The following STOX1 variants were observed in gnomAD, a reference collection of about 807,000 sequenced individuals.
STOX1 encodes storkhead-box protein 1.
In STOX1, 57 loss-of-function variants were observed where a neutral mutation model predicts 74.8. The ratio of observed to expected loss-of-function variants is 0.76; its 90% CI spans 0.62 to 0.95. STOX1 has a LOEUF of 0.95. STOX1 is among the 40% of genes least tolerant of loss of function. STOX1 has a pLI of 0.00. For synonymous variants in STOX1, 375 were observed against 401.3 expected, an observed-to-expected ratio of 0.93 and a Z score of 0.78; for missense variants, 1,010 against 1,117.0, an observed-to-expected ratio of 0.90 and a Z score of 1.37.
At chr10:68,863,756 C>T (rs2133565040) in intron 1 of STOX1, among the ~76,000 whole-genome samples, 1 of 152,126 alleles carries the variant, frequency 6.6e-6, no homozygotes, top group Middle Eastern at 3.4e-3. Context: ...TGAGCATTTT[C>T]AACTGTGTAG....
At chr10:68,891,830 T>G (rs1564591747) in intron 3 of STOX1, among the ~76,000 whole-genome samples, 3 of 151,580 alleles carry the variant, frequency 2.0e-5, no homozygotes, top group Admixed American at 2.0e-4. Context: ...AATACTTTTT[T>G]TGTGTGTGTG....
intron 1 of STOX1, among the ~76,000 whole-genome samples, chr10:68,864,680 A>T (rs1363160589): frequency 6.6e-6 from 1 of 152,192 alleles, no homozygotes; most frequent in Non-Finnish European, 1.5e-5. Flanking sequence ...GGTGAATGAT[A>T]AGTTGGAAAA....
intron 3 of STOX1, among the ~76,000 whole-genome samples, chr10:68,891,508 G>T (rs1021594436): frequency 1.3e-5 from 2 of 151,994 alleles, no homozygotes; most frequent in Non-Finnish European, 2.9e-5. Flanking sequence ...AGGGAATGTC[G>T]AAAAGCAAAA....
In STOX1 at chr10:68,885,926, T is replaced by C. The variant is rs988232622; in HGVS notation, c.2130T>C (p.Asn710=). 3.1e-6 allele frequency: 5 copies of C among 1,613,976 alleles called. No homozygotes were observed. Among genetic ancestry groups the C allele is most frequent in the Non-Finnish European group, 4.2e-6 (5 of 1,180,032 alleles). ...ATGCAGAGACTACAAGCCTAGAAAA[T>C]GAACAGCTTTCTAACGATGACCAGG... is the stretch of plus-strand genomic sequence containing the variant. ...VQDAETTSLE[N]EQLSNDDQAL... is the part of the protein sequence containing the mutation. The change falls in exon 3 of 4, where the codon AAT becomes AAC. Residue 710 remains asparagine, a synonymous_variant. Transcript: ENST00000298596.
intron 1 of STOX1, among the ~76,000 whole-genome samples, chr10:68,862,646 C>T (rs1840289515): frequency 6.6e-6 from 1 of 151,986 alleles, no homozygotes; most frequent in Admixed American, 6.5e-5. Context: ...GCCATGTTTC[C>T]AGATAATAGG....
chr10:68,879,296 C>G (rs986920762), intron 1 of STOX1, among the ~76,000 whole-genome samples: 1 of 151,936 alleles, frequency 6.6e-6, no homozygotes, highest in African/African-American at 2.4e-5. Context: ...TTTTTCCCTC[C>G]TCTCATTTCT....
At chr10:68,849,179 CA>C (rs1490215496) in intron 1 of STOX1, among the ~76,000 whole-genome samples, 14 of 152,178 alleles carry the variant, frequency 9.2e-5, no homozygotes, top group African/African-American at 3.4e-4. Flanking sequence ...TCTTGTAGCT[CA>C]GGCTTTGCTT....
intron 1 of STOX1, among the ~76,000 whole-genome samples, chr10:68,848,450 A>C (rs980941818): frequency 6.6e-6 from 1 of 152,146 alleles, no homozygotes; most frequent in African/African-American, 2.4e-5. Flanking sequence ...GCCACTGGTC[A>C]GGTTAGATAT....
At chr10:68,834,234 T>C (rs977261129) in intron 1 of STOX1, among the ~76,000 whole-genome samples, 11 of 151,912 alleles carry the variant, frequency 7.2e-5, no homozygotes, top group Admixed American at 6.6e-4. Context: ...ACTCTAGGAG[T>C]GTAGAGTGTA....
chr10:68,840,583 CAG>C (rs1271805646), intron 1 of STOX1, among the ~76,000 whole-genome samples: 2 of 149,022 alleles, frequency 1.3e-5, no homozygotes, highest in Admixed American at 6.7e-5. Flanking sequence ...TTTTTTGAGA[CAG>C]AGTCTCATTC....
chr10:68,858,373 C>T (rs776088227), intron 1 of STOX1, among the ~76,000 whole-genome samples: 14 of 152,086 alleles, frequency 9.2e-5, no homozygotes, highest in Non-Finnish European at 4.4e-5. Context: ...TACTGCAGTC[C>T]TGCTGAGGAG....
chr10:68,832,886 C>G (rs1319115668), intron 1 of STOX1, among the ~76,000 whole-genome samples: 1 of 151,860 alleles, frequency 6.6e-6, no homozygotes, highest in Non-Finnish European at 1.5e-5. Context: ...ACCTCAGCCT[C>G]TTGTGTAGCT....
chr10:68,893,594 T>C (rs1841143875), downstream of STOX1, among the ~76,000 whole-genome samples: 1 of 152,278 alleles, frequency 6.6e-6, no homozygotes, highest in Non-Finnish European at 1.5e-5. Flanking sequence ...ATTTTTTGTA[T>C]TTTTAGTAGA....
chr10:68,888,534 T>G lies in STOX1; in HGVS notation c.2822+1916T>G, dbSNP rs1841021047. On this transcript the variant is annotated intron_variant, in intron 3 of 3. Transcript: ENST00000298596. ...AGTTACTATTTTGCATGTTGCTTTT[T>G]AAAATTAATAGCCTATCATATGAAC... is the stretch of plus-strand genomic sequence containing the variant. 1.3e-5 allele frequency among the ~76,000 whole-genome samples: 2 copies of G among 152,288 alleles called. 1 individual carries two copies. Among genetic ancestry groups the G allele is most frequent in the South Asian group, 4.1e-4 (2 of 4,828 alleles).
Position 68,867,315 on chromosome 10 carries a change from C to T in STOX1, c.311-14643C>T, listed in dbSNP as rs528169817. Among the ~76,000 whole-genome samples, 13 of 152,226 alleles carry T rather than the reference C, an allele frequency of 8.5e-5. No homozygotes were observed. In the South Asian group the frequency reaches 2.1e-3, roughly 24 times the overall value. On this transcript the variant is annotated intron_variant, in intron 1 of 3. Coordinates refer to ENST00000298596, the MANE Select transcript of STOX1 (RefSeq NM_152709.5). The stretch of plus-strand genomic sequence containing the variant: ...TGATTGACAGCCTGTTTAAACTCTT[C>T]GAGTAATTTAGAGGGAAAAGGCTCA...
chr10:68,885,888 G>A lies in STOX1; in HGVS notation c.2092G>A (p.Gly698Arg), dbSNP rs373085361. ...AGACTCAGAAGAATTATTGAGAAAA[G>A]GATTTGTCCAGGATGCAGAGACTAC... Reference protein sequence around the residue: ...DKDSEELLRKGFVQDAETTSL... With the variant: ...DKDSEELLRKRFVQDAETTSL... Residue 698 changes from glycine (G) to arginine (R), a missense_variant, in exon 3 of 4, where the codon GGA becomes AGA. Physicochemically the swap from Gly to Arg is moderately radical, Grantham distance 125. Transcript: ENST00000298596. The A allele has an allele frequency of 6.2e-7, 1 of 1,614,126 alleles. No homozygotes were observed. Among genetic ancestry groups the A allele is most frequent in the South Asian group, 1.1e-5 (1 of 91,086 alleles).
At chr10:68,880,164 C>CTTTTTTTTTTTTTTTTTTTTTT (rs71028800) in intron 1 of STOX1, among the ~76,000 whole-genome samples, 14 of 124,426 alleles carry the variant, frequency 1.1e-4, no homozygotes, top group African/African-American at 3.6e-4. Context: ...TCTTTCTTTC[C>CTTTTTTTTTTTTTTTTTTTTTT]TTTTTTTTTT....
At chr10:68,829,053 G>T in intron 1 of STOX1, 5 of 951,988 alleles carry the variant, frequency 5.3e-6, no homozygotes, top group Non-Finnish European at 6.3e-6. Context: ...AGGCTGCAAG[G>T]GCCATTTGAT....
At chr10:68,847,528 G>A (rs1177144706) in intron 1 of STOX1, among the ~76,000 whole-genome samples, 1 of 151,704 alleles carries the variant, frequency 6.6e-6, no homozygotes, top group Non-Finnish European at 1.5e-5. Context: ...TCCTACCTCA[G>A]GCTCTCAAGT....
Sources: allele counts gnomAD v4.1 joint callset (sites outside exome capture counted in the v4.1 genomes callset), GRCh38; gene constraint gnomAD v4.1.1; transcripts MANE v1.5; gene names NCBI Gene and HGNC (gene_info 2026-07-23, HGNC 2026-07-21).